The following OR14I1 variants were observed in gnomAD, a reference collection of about 807,000 sequenced individuals.
OR14I1 encodes olfactory receptor family 14 subfamily I member 1.
For missense variants in OR14I1, 279 were observed against 181.8 expected (o/e 1.53, Z -3.07); for synonymous variants, 118 against 71.1 (o/e 1.66, Z -3.32).
At chr1:248,680,084 CTCCTGTGTT>C (rs1206755971), downstream of OR14I1, among the ~76,000 whole-genome samples, 1 of 152,150 alleles carries the variant, frequency 6.6e-6, no homozygotes. Context: ...AGAATTCTTT[CTCCTGTGTT>C]GTAGCACTTT....
exon 1 of OR14I1, chr1:248,681,748 A>G: frequency 1.3e-6 from 1 of 781,124 alleles, no homozygotes; most frequent in Non-Finnish European, 2.4e-6. Context: ...CTCACAGGAA[A>G]CCAGGGCCAA....
At chr1:248,682,000 A>G (rs749079024) in exon 1 of OR14I1, 1 of 780,990 alleles carries the variant, frequency 1.3e-6, no homozygotes, top group Middle Eastern at 2.3e-4. Context: ...AAAGGCAGAG[A>G]AAAAATAGAC....
At chr1:248,684,936 G>T (rs34191843), upstream of OR14I1, among the ~76,000 whole-genome samples, 78,309 of 151,784 alleles carry the variant, frequency 0.52, 24,618 homozygotes, top group Non-Finnish European at 0.7. Flanking sequence ...ACAAAAATAT[G>T]AATAAATGAT....
upstream of OR14I1, among the ~76,000 whole-genome samples, chr1:248,686,691 C>T (rs1661662276): frequency 6.8e-6 from 1 of 147,830 alleles, no homozygotes; most frequent in Non-Finnish European, 1.5e-5. Flanking sequence ...GAAATGATTG[C>T]TTACATAAAT....
At chr1:248,687,334 C>G in the OR14I1 span, among the ~76,000 whole-genome samples, 1 of 152,188 alleles carries the variant, frequency 6.6e-6, no homozygotes. Context: ...TGCGTATACT[C>G]AGTTTACTTT....
chr1:248,688,074 T>A, the OR14I1 span, among the ~76,000 whole-genome samples: 2 of 152,260 alleles, frequency 1.3e-5, no homozygotes, highest in African/African-American at 2.4e-5. Flanking sequence ...TTTTTCTTAC[T>A]TCTACTTCTG....
chr1:248,678,399 A>G (rs1342099981), downstream of OR14I1, among the ~76,000 whole-genome samples: 2 of 152,246 alleles, frequency 1.3e-5, no homozygotes, highest in Non-Finnish European at 1.5e-5. Flanking sequence ...CAAATTTAAA[A>G]GATTCTAAAT....
upstream of OR14I1, among the ~76,000 whole-genome samples, chr1:248,686,689 TGCTTAC>T (rs2103135984): frequency 6.7e-6 from 1 of 148,312 alleles, no homozygotes; most frequent in African/African-American, 2.5e-5. Flanking sequence ...TTGAAATGAT[TGCTTAC>T]ATAAATCTCA....
At chr1:248,684,249 T>C (rs1462172592), upstream of OR14I1, among the ~76,000 whole-genome samples, 1 of 152,254 alleles carries the variant, frequency 6.6e-6, no homozygotes, top group Non-Finnish European at 1.5e-5. Context: ...ACTTTACTAG[T>C]TATGGAAATG....
chr1:248,702,626 G>GAGAGTCC, the OR14I1 span, among the ~76,000 whole-genome samples: 1 of 152,038 alleles, frequency 6.6e-6, no homozygotes, highest in Admixed American at 6.5e-5. Context: ...GTCCCCTAGA[G>GAGAGTCC]CCTACTCTCA....
the OR14I1 span, among the ~76,000 whole-genome samples, chr1:248,691,214 G>C: frequency 6.6e-6 from 1 of 152,196 alleles, no homozygotes; most frequent in Non-Finnish European, 1.5e-5. Context: ...AGGTAGAAGG[G>C]ACCCTTCATT....
chr1:248,700,103 T>C, the OR14I1 span, among the ~76,000 whole-genome samples: 1 of 152,186 alleles, frequency 6.6e-6, no homozygotes, highest in East Asian at 1.9e-4. Flanking sequence ...AGCTTTAAAT[T>C]AGAATGCGCA....
downstream of OR14I1, among the ~76,000 whole-genome samples, chr1:248,679,117 T>C (rs1661519424): frequency 6.6e-6 from 1 of 152,134 alleles, no homozygotes; most frequent in Admixed American, 6.5e-5. Context: ...ATTTACTTAA[T>C]GGAAATGTTG....
At chr1:248,684,777 T>C (rs77614903), upstream of OR14I1, among the ~76,000 whole-genome samples, 103,368 of 147,788 alleles carry the variant, frequency 0.7, 37,494 homozygotes, top group East Asian at 0.84. Context: ...TATATATATA[T>C]ACACACACAC....
chr1:248,684,081 G>A (rs189617821), upstream of OR14I1, among the ~76,000 whole-genome samples: 19 of 152,234 alleles, frequency 1.2e-4, no homozygotes, highest in South Asian at 4.1e-4. Context: ...GTCAAGTGAC[G>A]AGCAATACAT....
At chr1:248,684,659 G>T (rs758631873), upstream of OR14I1, among the ~76,000 whole-genome samples, 36 of 151,868 alleles carry the variant, frequency 2.4e-4, no homozygotes, top group South Asian at 2.5e-3. Context: ...ACATAGTTTT[G>T]AAAAAACCCC....
the OR14I1 span, among the ~76,000 whole-genome samples, chr1:248,700,715 A>C: frequency 2.0e-5 from 3 of 152,212 alleles, no homozygotes; most frequent in Non-Finnish European, 4.4e-5. Flanking sequence ...TTTTATTCTC[A>C]GTTTTCTCAA....
At chr1:248,696,040 T>C in the OR14I1 span, among the ~76,000 whole-genome samples, 1 of 152,116 alleles carries the variant, frequency 6.6e-6, no homozygotes, top group Non-Finnish European at 1.5e-5. Context: ...TGCTGAAGTT[T>C]AAACTCCCCA....
the OR14I1 span, among the ~76,000 whole-genome samples, chr1:248,691,529 G>A: frequency 6.6e-6 from 1 of 152,202 alleles, no homozygotes; most frequent in African/African-American, 2.4e-5. Context: ...AATTGGGTGG[G>A]GTGAGAACCA....
Sources: gnomAD v4.1 joint callset for allele counts (sites outside exome capture counted in the v4.1 genomes callset) on GRCh38, gnomAD v4.1.1 for gene constraint, MANE v1.5 for transcripts, NCBI Gene and HGNC (gene_info 2026-07-23, HGNC 2026-07-21) for gene names.